The following FANCC variants were observed in gnomAD, a reference collection of about 807,000 sequenced individuals.
FANCC encodes the protein Fanconi anemia group C protein.
In FANCC, 55 loss-of-function variants were observed where a neutral mutation model predicts 71.3. The ratio of observed to expected loss-of-function variants is 0.77; its 90% CI spans 0.62 to 0.97. The LOEUF (loss-of-function observed/expected upper bound fraction) is 0.97, where lower values mean the gene tolerates loss of function less well. FANCC is among the 50% of genes least tolerant of loss of function. FANCC has a pLI of 0.00. For synonymous variants in FANCC, 275 were observed against 244.9 expected, an observed-to-expected ratio of 1.12 and a Z score of -1.15; for missense variants, 678 against 670.9, an observed-to-expected ratio of 1.01 and a Z score of -0.12.
intron 13 of FANCC, 71 bp downstream of exon 13, chr9:95,111,392 C>A (rs1246205494): frequency 1.3e-6 from 2 of 1,596,948 alleles, no homozygotes; most frequent in Non-Finnish European, 1.7e-6. Context: ...CACAACAGAG[C>A]CCCTCTCTGC....
intron 6 of FANCC, among the ~76,000 whole-genome samples, chr9:95,166,527 T>G (rs1462621358): frequency 6.6e-6 from 1 of 152,166 alleles, no homozygotes; most frequent in Non-Finnish European, 1.5e-5. Flanking sequence ...TATCACAAAT[T>G]ACATCCTTTT....
chr9:95,209,450 A>G (rs1044914109), intron 4 of FANCC, among the ~76,000 whole-genome samples: 1 of 152,204 alleles, frequency 6.6e-6, no homozygotes, highest in African/African-American at 2.4e-5. Flanking sequence ...GGGACTGTTG[A>G]TAACAGGGGA....
At chr9:95,110,899 T>C in intron 13 of FANCC, 1 of 1,281,834 alleles carries the variant, frequency 7.8e-7, no homozygotes, top group Non-Finnish European at 9.9e-7. Flanking sequence ...CATACTTAGC[T>C]GCTCTGTTAT....
At position 95,120,127 on chromosome 9, in the gene FANCC, T is replaced by C. The variant is rs186948467; in HGVS notation, c.997-2737A>G. 2.4e-4 allele frequency among the ~76,000 whole-genome samples: 37 copies of C among 152,382 alleles called. No homozygotes were observed. In the East Asian group the frequency reaches 5.6e-3, roughly 23 times the overall value. ...CAGATACATTATCCTATGCTCTCTC[T>C]AGGGGCTTTATCTTTCTAACATTTC... On this transcript the variant is annotated intron_variant, in intron 10 of 14. Transcript: ENST00000289081.
At chr9:95,200,693 G>C (rs1474960450) in intron 4 of FANCC, among the ~76,000 whole-genome samples, 1 of 152,106 alleles carries the variant, frequency 6.6e-6, no homozygotes, top group Admixed American at 6.5e-5. Context: ...ATATGAATTT[G>C]CTTCAAAATT....
chr9:95,146,100 T>C (rs1829504981), intron 7 of FANCC, among the ~76,000 whole-genome samples: 1 of 152,154 alleles, frequency 6.6e-6, no homozygotes, highest in Non-Finnish European at 1.5e-5. Flanking sequence ...GATGTAATAA[T>C]GGTATTGTAG....
chr9:95,310,824 G>C (rs532401422), intron 1 of FANCC, among the ~76,000 whole-genome samples: 1 of 152,268 alleles, frequency 6.6e-6, no homozygotes, highest in East Asian at 1.9e-4. Flanking sequence ...TAATAAAAAA[G>C]AATATACCCT....
intron 11 of FANCC, 69 bp from the exon 12 acceptor site, chr9:95,114,779 G>A (rs1291431757): frequency 7.5e-7 from 1 of 1,329,730 alleles, no homozygotes; most frequent in Admixed American, 1.7e-5. Flanking sequence ...ACCACCTGCA[G>A]GGATGACCTG....
intron 7 of FANCC, 43 bp from the exon 8 acceptor site, chr9:95,135,545 A>G (rs1180661868): frequency 6.3e-7 from 1 of 1,581,298 alleles, no homozygotes; most frequent in Non-Finnish European, 8.7e-7. Context: ...GAAATGGCTC[A>G]CTGAAAAAAG....
chr9:95,130,585 C>T (rs1028258485), intron 8 of FANCC, among the ~76,000 whole-genome samples: 7 of 152,158 alleles, frequency 4.6e-5, no homozygotes, highest in Non-Finnish European at 8.8e-5. Context: ...CATGTACTTG[C>T]ATGTAGCTTA....
chr9:95,182,034 G>C (rs934249817), intron 4 of FANCC, among the ~76,000 whole-genome samples: 1 of 152,160 alleles, frequency 6.6e-6, no homozygotes, highest in Non-Finnish European at 1.5e-5. Context: ...GTCTGGGTGT[G>C]GAGGAAGGGT....
chr9:95,108,139 G>T (rs769338244), intron 13 of FANCC, among the ~76,000 whole-genome samples: 1 of 151,972 alleles, frequency 6.6e-6, no homozygotes, highest in East Asian at 1.9e-4. Context: ...TGTGTGAGGC[G>T]TTTTTTTTCC....
intron 1 of FANCC, among the ~76,000 whole-genome samples, chr9:95,257,076 C>A (rs999114361): frequency 8.5e-5 from 13 of 152,184 alleles, no homozygotes; most frequent in Admixed American, 2.0e-4. Context: ...GACTCCCGCA[C>A]AATAACAGTG....
At chr9:95,130,819 C>A (rs1826787673) in intron 8 of FANCC, among the ~76,000 whole-genome samples, 1 of 152,172 alleles carries the variant, frequency 6.6e-6, no homozygotes, top group African/African-American at 2.4e-5. Flanking sequence ...CCAGTGAACT[C>A]CTCTATTGAA....
At chr9:95,123,227 C>G (rs1162932554) in intron 10 of FANCC, 1 of 210,592 alleles carries the variant, frequency 4.7e-6, no homozygotes, top group African/African-American at 2.4e-5. Flanking sequence ...CGCTTGAGCC[C>G]ACGAAGCCAA....
At chr9:95,108,617 A>G (rs1172262326) in intron 13 of FANCC, among the ~76,000 whole-genome samples, 2 of 152,248 alleles carry the variant, frequency 1.3e-5, no homozygotes. Flanking sequence ...CAGGAGAAAG[A>G]TAAAAGCTTT....
chr9:95,303,593 G>A (rs1419702004), intron 1 of FANCC, among the ~76,000 whole-genome samples: 2 of 152,200 alleles, frequency 1.3e-5, no homozygotes, highest in African/African-American at 4.8e-5. Context: ...GTCCTGTTGA[G>A]AGCCCTCTTC....
At chr9:95,166,668 CA>C (rs1271117878) in intron 6 of FANCC, among the ~76,000 whole-genome samples, 1 of 152,078 alleles carries the variant, frequency 6.6e-6, no homozygotes. Context: ...TCCATGGATT[CA>C]ACTAAATCAT....
At chr9:95,196,908 T>TA (rs1180901593) in intron 4 of FANCC, among the ~76,000 whole-genome samples, 5 of 152,232 alleles carry the variant, frequency 3.3e-5, no homozygotes, top group African/African-American at 1.2e-4. Flanking sequence ...CCCCTAGTCC[T>TA]AAACCATAGG....
Sources: allele counts gnomAD v4.1 joint callset (sites outside exome capture counted in the v4.1 genomes callset), GRCh38; gene constraint gnomAD v4.1.1; transcripts MANE v1.5; gene names NCBI Gene and HGNC (gene_info 2026-07-23, HGNC 2026-07-21).